The following CRAT variants were observed in gnomAD, a reference collection of about 807,000 sequenced individuals.
The protein encoded by CRAT is carnitine acetylase.
CRAT carries 66 observed loss-of-function variants against 73.7 expected under a neutral mutation model. That is an observed-to-expected ratio of 0.90 (90% CI 0.73 to 1.10). The LOEUF is 1.10. Ranked by LOEUF, CRAT falls within the 50% of genes least tolerant of loss-of-function variation. The pLI is 0.00. For missense variants in CRAT, 745 were observed against 846.9 expected (o/e 0.88, Z 1.49); for synonymous variants, 321 against 343.2 (o/e 0.94, Z 0.71).
rs886934855 is a variant in CRAT, at chr9:129,106,732, G to T, written c.291+1082C>A. Among the ~76,000 whole-genome samples the T allele has an allele frequency of 1.3e-5, 2 of 152,086 alleles. No individual in the cohort carries two copies. Among genetic ancestry groups the T allele is most frequent in the African/African-American group, 4.8e-5 (2 of 41,404 alleles). ...CCCACAGCCTCCGCCAAGCCCCAGG[G>T]CTAGAGCTCTACCTCCCCTCCCCAT... On this transcript the variant is annotated intron_variant, in intron 2 of 13. Coordinates refer to ENST00000318080, the MANE Select transcript of CRAT (RefSeq NM_000755.5). The surrounding 1 kb of genome is among the most constrained non-coding windows in gnomAD (Gnocchi z 4.0).
rs751985419 is a variant in CRAT, at chr9:129,095,458, A to G, written c.1820T>C (p.Leu607Pro). 4.3e-6 allele frequency: 7 copies of G among 1,613,222 alleles called. No homozygotes were observed. The South Asian group carries it at 5.5e-5, about 13-fold the overall frequency. The change falls in exon 14 of 14, where the codon CTG (leucine) becomes CCG (proline). Residue 607 changes from leucine (L) to proline (P), a missense_variant. Physicochemically the swap from Leu to Pro is moderately conservative, Grantham distance 98 (BLOSUM62 -3). Coordinates refer to ENST00000318080, the MANE Select transcript of CRAT (RefSeq NM_000755.5). Reference sequence around the variant, plus strand: ...ACGCATGTCCAGGAGCGCCTTCTCCAGGTAATGCGCCAGGCGGGCGGCGTT... The same window carrying G: ...ACGCATGTCCAGGAGCGCCTTCTCCGGGTAATGCGCCAGGCGGGCGGCGTT... ...ETNAARLAHY[L>P]EKALLDMRAL...
At chr9:129,108,531 C>A (rs1359950211) in intron 1 of CRAT, 1 of 1,160,072 alleles carries the variant, frequency 8.6e-7, no homozygotes, top group Non-Finnish European at 1.1e-6. Flanking sequence ...GAGAGCCAGA[C>A]AATGGCAGCA....
chr9:129,104,895 T>C lies in CRAT; in HGVS notation c.292-589A>G, dbSNP rs528304966. On this transcript the variant is annotated intron_variant, in intron 2 of 13. Coordinates refer to ENST00000318080, the MANE Select transcript of CRAT (RefSeq NM_000755.5). The stretch of plus-strand genomic sequence containing the variant: ...CTGGGATTACAGGCATGAGCCACTG[T>C]GCCCGGTCTTTTTTTTTTTTTTTGA... Among the ~76,000 whole-genome samples the C allele has an allele frequency of 2.5e-3, 298 of 119,524 alleles. 5 individuals carry two copies. In the East Asian group the frequency reaches 0.031, roughly 12 times the overall value. The allele number at this position is 119,524 out of a possible 152,430, so 78.4% of individuals were successfully genotyped here.
chr9:129,105,678 T>A (rs999438186), intron 2 of CRAT, among the ~76,000 whole-genome samples: 1 of 152,198 alleles, frequency 6.6e-6, no homozygotes, highest in African/African-American at 2.4e-5. Context: ...GGCAGGAGAC[T>A]GGGGTATCAG....
chr9:129,094,900 T>A lies in CRAT; in HGVS notation c.*497A>T, dbSNP rs1723256929. The stretch of plus-strand genomic sequence containing the variant: ...GGAACCAGAGGCGGCTCGCTAGCAA[T>A]GTTATCCACAGGAGCACAGCCGCAA... On this transcript the variant is annotated 3_prime_UTR_variant, in exon 14 of 14. Transcript: ENST00000318080. 6.0e-6 allele frequency: 1 copy of A among 167,098 alleles called. No homozygotes were observed. The highest frequency in any genetic ancestry group is 1.3e-5 in the Non-Finnish European group (1 of 77,258). 10.4% of individuals were successfully genotyped at this position (167,098 alleles called of 1,614,324 possible).
chr9:129,096,820 G>A (rs547341574), intron 12 of CRAT, among the ~76,000 whole-genome samples: 3 of 152,340 alleles, frequency 2.0e-5, no homozygotes, highest in African/African-American at 7.2e-5. Flanking sequence ...TATAATCCCA[G>A]CACTTTGGGA....
chr9:129,102,744 T>C (rs941926626), intron 4 of CRAT, among the ~76,000 whole-genome samples, 179 bp from the exon 5 acceptor site: 1 of 152,098 alleles, frequency 6.6e-6, no homozygotes, highest in African/African-American at 2.4e-5. Flanking sequence ...CTGCCCCAGA[T>C]GGGCCCTGTT....
Position 129,102,579 on chromosome 9 carries a change from G to T in CRAT, c.465-14C>A. On this transcript the variant is annotated splice_polypyrimidine_tract_variant and intron_variant, in intron 4 of 13. Transcript: ENST00000318080. ...GGCAGGGTCTCGCTATGGGGTAGAG[G>T]GGCAGTGAGGCCACCACTGGGCAAG... The T allele has an allele frequency of 6.2e-7, 1 of 1,613,400 alleles. No homozygotes were observed. The highest frequency in any genetic ancestry group is 8.5e-7 in the Non-Finnish European group (1 of 1,179,508).
intron 8 of CRAT, among the ~76,000 whole-genome samples, 163 bp downstream of exon 8, chr9:129,099,703 C>T (rs1189984690): frequency 6.6e-6 from 1 of 151,994 alleles, no homozygotes; most frequent in Non-Finnish European, 1.5e-5. Context: ...CCCAAAGTGT[C>T]AGGATTACAG....
At chr9:129,099,236 G>A (rs4837337) in intron 8 of CRAT, among the ~76,000 whole-genome samples, 134,089 of 148,872 alleles carry the variant, frequency 0.9, 61,986 homozygotes, top group Non-Finnish European at 1. Context: ...TCTGCCTCCC[G>A]GGTTCAAGCG....
intron 12 of CRAT, 50 bp downstream of exon 12, chr9:129,097,200 G>A (rs2131438357): frequency 6.8e-7 from 1 of 1,469,842 alleles, no homozygotes; most frequent in Non-Finnish European, 9.2e-7. Context: ...GGGACAGACA[G>A]ATGGCTGACA....
intron 12 of CRAT, among the ~76,000 whole-genome samples, chr9:129,096,885 T>C (rs1472845344): frequency 5.9e-5 from 9 of 152,070 alleles, no homozygotes; most frequent in Admixed American, 2.0e-4. Flanking sequence ...CCTGTCAACA[T>C]GGTGAAACCC....
At chr9:129,098,923 C>T (rs1847476066) in intron 8 of CRAT, among the ~76,000 whole-genome samples, 2 of 150,418 alleles carry the variant, frequency 1.3e-5, no homozygotes, top group Non-Finnish European at 3.0e-5. Flanking sequence ...AAGCGATTCT[C>T]CTGCCTCAGC....
intron 11 of CRAT, chr9:129,097,797 G>T: frequency 1.6e-6 from 1 of 644,170 alleles, no homozygotes; most frequent in Non-Finnish European, 2.6e-6. Flanking sequence ...GTTGCTTACT[G>T]CCAATGAATA....
Position 129,110,497 on chromosome 9 carries a change from C to T in CRAT, c.13G>A (p.Ala5Thr). 6.3e-7 allele frequency: 1 copy of T among 1,582,210 alleles called. No homozygotes were observed. Among genetic ancestry groups the T allele is most frequent in the Non-Finnish European group, 8.5e-7 (1 of 1,170,882 alleles). The change falls in exon 1 of 14, where the codon GCT becomes ACT. Residue 5 changes from alanine to threonine, a missense_variant. By Grantham distance (58) the Ala-to-Thr change is moderately conservative. Transcript: ENST00000318080. The surrounding 1 kb of genome is among the most constrained non-coding windows in gnomAD (Gnocchi z 5.3). MLAF[A>T]ARTVVKPLGF... ...GCCGCACTCACCACGGTCCTGGCAGCGAAGGCTAACATCTTCGCTGCCCGT... is the reference window on the plus strand; with the variant it reads ...GCCGCACTCACCACGGTCCTGGCAGTGAAGGCTAACATCTTCGCTGCCCGT...
At chr9:129,100,305 G>A (rs1235156359) in intron 7 of CRAT, 18 of 632,396 alleles carry the variant, frequency 2.8e-5, no homozygotes, top group Non-Finnish European at 4.6e-5. Flanking sequence ...TGTGCTGGGG[G>A]TGACAGCGGT....
At position 129,110,591 on chromosome 9, in the gene CRAT, G is replaced by A; in HGVS notation, c.-82C>T. The A allele has an allele frequency of 1.4e-6, 2 of 1,457,908 alleles. No homozygotes were observed. Among genetic ancestry groups the A allele is most frequent in the South Asian group, 1.3e-5 (1 of 75,334 alleles). 90.3% of individuals were successfully genotyped at this position (1,457,908 alleles called of 1,614,324 possible). A position where few individuals can be genotyped will look rare whatever the true frequency, so the allele number is the denominator to read the frequency against. On this transcript the variant is annotated 5_prime_UTR_variant, in exon 1 of 14. Coordinates refer to ENST00000318080, the MANE Select transcript of CRAT (RefSeq NM_000755.5). The surrounding 1 kb of genome is among the most constrained non-coding windows in gnomAD (Gnocchi z 5.3). ...CCGCGCCGCCGCCGCCGCGGCTGGGGTCGGTGGGTCCTTGCTAGAGCCTTC... is the reference window on the plus strand; with the variant it reads ...CCGCGCCGCCGCCGCCGCGGCTGGGATCGGTGGGTCCTTGCTAGAGCCTTC...
intron 2 of CRAT, among the ~76,000 whole-genome samples, chr9:129,105,441 C>T: frequency 6.6e-6 from 1 of 152,140 alleles, no homozygotes; most frequent in East Asian, 1.9e-4. Context: ...TTGCCTCAGC[C>T]TCTTGAGTAG....
Position 129,098,595 on chromosome 9 carries a change from G to C in CRAT, c.1141C>G (p.Leu381Val). The C allele has an allele frequency of 6.3e-7, 1 of 1,599,340 alleles. No individual in the cohort carries two copies. Among genetic ancestry groups the C allele is most frequent in the Non-Finnish European group, 8.5e-7 (1 of 1,176,266 alleles). ...PLVPLPMPKK[L>V]RFNITPEIKS... ...ATCTCGGGGGTGATGTTGAACCGCA[G>C]CTTCTTGGGCATGGGCAGGGGCACC... Residue 381 changes from leucine (L) to valine (V), a missense_variant, in exon 9 of 14, where the codon CTG becomes GTG. Transcript: ENST00000318080.
Sources: gnomAD v4.1 joint callset for allele counts (sites outside exome capture counted in the v4.1 genomes callset) on GRCh38, gnomAD v4.1.1 for gene constraint, Gnocchi (gnomAD v3.1) non-coding constraint, MANE v1.5 for transcripts, NCBI Gene and HGNC (gene_info 2026-07-23, HGNC 2026-07-21) for gene names.